CDC123: variants seen among roughly 807,000 people sequenced by gnomAD.
The protein encoded by CDC123 is translation initiation factor eIF2 assembly protein.
A neutral mutation model predicts 54.4 loss-of-function variants in CDC123; 37 were observed. The ratio of observed to expected loss-of-function variants is 0.68; its 90% CI spans 0.52 to 0.89. CDC123 has a LOEUF of 0.89. CDC123 is among the 40% of genes least tolerant of loss of function. The pLI is 0.00. For synonymous variants in CDC123, 144 were observed against 136.8 expected (o/e 1.05, Z -0.37); for missense variants, 361 against 412.1 (o/e 0.88, Z 1.07).
Position 12,196,319 on chromosome 10 carries a change from G to A in CDC123, c.74G>A (p.Ser25Asn). The change falls in exon 1 of 13, where the codon AGT becomes AAT. Residue 25 changes from serine to asparagine, a missense_variant and splice_region_variant. Ser to Asn is a conservative substitution (Grantham distance 46). Coordinates refer to ENST00000281141, the MANE Select transcript of CDC123 (RefSeq NM_006023.3). The stretch of plus-strand genomic sequence containing the variant: ...TTCTTCCGAGGCGTTACCATCAAGA[G>A]GTGAGATGGGAGGGGGTTCGCCCGG... ...YPFFRGVTIK[S>N]VILPLPQNVK... The A allele has an allele frequency of 6.2e-7, 1 of 1,610,992 alleles. No individual in the cohort carries two copies. Among genetic ancestry groups the A allele is most frequent in the Non-Finnish European group, 8.5e-7 (1 of 1,178,308 alleles).
At chr10:12,206,509 A>T (rs1010283785) in intron 2 of CDC123, among the ~76,000 whole-genome samples, 1 of 152,194 alleles carries the variant, frequency 6.6e-6, no homozygotes, top group Non-Finnish European at 1.5e-5. Context: ...AATTACAAAG[A>T]GTTGATTAAA....
At chr10:12,203,160 C>T (rs532937234) in intron 2 of CDC123, among the ~76,000 whole-genome samples, 3 of 152,234 alleles carry the variant, frequency 2.0e-5, no homozygotes, top group Non-Finnish European at 4.4e-5. Flanking sequence ...GTTCAGCTAT[C>T]CGGAAGCTCT....
chr10:12,217,604 C>G lies in CDC123; in HGVS notation c.440+137C>G, dbSNP rs998225728. 3.6e-5 allele frequency: 28 copies of G among 787,322 alleles called. No homozygotes were observed. In the African/African-American group the frequency reaches 4.4e-4, roughly 12 times the overall value. 48.8% of individuals were successfully genotyped at this position (787,322 alleles called of 1,614,324 possible). ...AAGCTATTTCATATTGCCAAAATGA[C>G]CTGTTAAAGCAAATCTTTCTTTTCC... On this transcript the variant is annotated intron_variant, in intron 6 of 12. Transcript: ENST00000281141.
intron 5 of CDC123, 151 bp from the exon 6 acceptor site, chr10:12,217,210 T>A: frequency 1.6e-6 from 1 of 621,802 alleles, no homozygotes; most frequent in Non-Finnish European, 2.5e-6. Flanking sequence ...TTGTTAAGCA[T>A]AATTTAACAT....
intron 11 of CDC123, chr10:12,247,958 T>C (rs142985567): frequency 0.03 from 4,512 of 151,910 alleles, 176 homozygotes; most frequent in South Asian, 0.099. Context: ...GAGCCGAGAT[T>C]GTGCCACTGC....
In CDC123 at chr10:12,215,834, G is replaced by C; in HGVS notation, c.332G>C (p.Arg111Thr). Residue 111 changes from arginine to threonine, a missense_variant and splice_region_variant, in exon 5 of 13, where the codon AGG (arginine) becomes ACG (threonine). Transcript: ENST00000281141. ...VFPKLNWSAPRDAYWIAMNSS... is the reference protein window; with the variant it reads ...VFPKLNWSAPTDAYWIAMNSS... ...CCTAAGCTTAATTGGAGTGCCCCAA[G>C]GGTAGGAACACATAAGTAATTCTCT... 6.3e-7 allele frequency: 1 copy of C among 1,582,978 alleles called. No individual in the cohort carries two copies. Among genetic ancestry groups the C allele is most frequent in the South Asian group, 1.1e-5 (1 of 87,996 alleles).
chr10:12,196,326 TGGGA>T lies in CDC123; in HGVS notation c.74+11_74+14del, dbSNP rs141093124. 0.14 allele frequency: 225,836 copies of T among 1,613,438 alleles called. 17,180 individuals are homozygous for T. Among genetic ancestry groups the T allele is most frequent in the South Asian group, 0.24 (21,714 of 91,052 alleles). ...GAGGCGTTACCATCAAGAGGTGAGATGGGAGGGGGTTCGCCCGGTCGACCGGCAA... is the reference window on the plus strand; with the variant it reads ...GAGGCGTTACCATCAAGAGGTGAGATGGGGGTTCGCCCGGTCGACCGGCAA... On this transcript the variant is annotated splice_region_variant and intron_variant, in intron 1 of 12. Coordinates refer to ENST00000281141, the MANE Select transcript of CDC123 (RefSeq NM_006023.3).
At chr10:12,206,057 C>T (rs1198897211) in intron 2 of CDC123, among the ~76,000 whole-genome samples, 1 of 152,228 alleles carries the variant, frequency 6.6e-6, no homozygotes, top group East Asian at 1.9e-4. Flanking sequence ...GCCTTGGCCT[C>T]CCAAAGTGCT....
At chr10:12,227,244 T>C (rs1408950216) in intron 6 of CDC123, among the ~76,000 whole-genome samples, 3 of 105,736 alleles carry the variant, frequency 2.8e-5, no homozygotes, top group Non-Finnish European at 5.2e-5. Context: ...AGGGAGACCG[T>C]GGAGAGAGAG....
intron 6 of CDC123, among the ~76,000 whole-genome samples, chr10:12,229,116 C>T (rs1350770569): frequency 6.6e-6 from 1 of 152,122 alleles, no homozygotes; most frequent in Non-Finnish European, 1.5e-5. Flanking sequence ...CCTCATCTCC[C>T]CGAGGCTATT....
intron 4 of CDC123, among the ~76,000 whole-genome samples, chr10:12,212,523 AGACT>A (rs1418900842): frequency 2.0e-5 from 3 of 152,268 alleles, no homozygotes; most frequent in Non-Finnish European, 2.9e-5. Context: ...CTTTTTAAAA[AGACT>A]GACTATCACT....
At chr10:12,240,378 G>T (rs1739356977) in intron 10 of CDC123, among the ~76,000 whole-genome samples, 1 of 152,174 alleles carries the variant, frequency 6.6e-6, no homozygotes, top group Non-Finnish European at 1.5e-5. Context: ...GCTTAGATCA[G>T]CCTCATTGTA....
intron 10 of CDC123, among the ~76,000 whole-genome samples, chr10:12,239,606 C>T (rs1333652385): frequency 6.6e-6 from 1 of 151,570 alleles, no homozygotes; most frequent in Non-Finnish European, 1.5e-5. Flanking sequence ...ACGTGGGAAG[C>T]TGAGGCACAG....
intron 6 of CDC123, among the ~76,000 whole-genome samples, chr10:12,225,723 T>TC (rs1354477716): frequency 6.7e-6 from 1 of 148,860 alleles, no homozygotes; most frequent in African/African-American, 2.4e-5. Context: ...TTGACTTTTC[T>TC]CTTTTTTTTT....
intron 10 of CDC123, 120 bp from the exon 11 acceptor site, chr10:12,246,029 C>A: frequency 9.5e-7 from 1 of 1,054,044 alleles, no homozygotes; most frequent in Non-Finnish European, 1.4e-6. Context: ...GTGATCACAC[C>A]AGTGCACTGC....
chr10:12,203,227 C>G (rs1287637244), intron 2 of CDC123, among the ~76,000 whole-genome samples: 1 of 152,232 alleles, frequency 6.6e-6, no homozygotes, highest in Non-Finnish European at 1.5e-5. Flanking sequence ...GACCCTAATT[C>G]TTCATGCCTC....
chr10:12,206,443 A>G (rs1425781359), intron 2 of CDC123, among the ~76,000 whole-genome samples: 1 of 152,244 alleles, frequency 6.6e-6, no homozygotes, highest in Non-Finnish European at 1.5e-5. Flanking sequence ...TATTTCCACT[A>G]TAGAACAGTT....
At chr10:12,217,935 A>G (rs961585753) in intron 6 of CDC123, among the ~76,000 whole-genome samples, 4 of 151,932 alleles carry the variant, frequency 2.6e-5, no homozygotes, top group African/African-American at 9.7e-5. Context: ...TAAAAATACA[A>G]AAAATTAGCC....
At chr10:12,222,895 CT>C (rs61138851) in intron 6 of CDC123, among the ~76,000 whole-genome samples, 54,366 of 145,948 alleles carry the variant, frequency 0.37, 9,815 homozygotes, top group East Asian at 0.45. Context: ...CATTTGTCCT[CT>C]TTTTTTTTTT....
Sources: allele counts gnomAD v4.1 joint callset (sites outside exome capture counted in the v4.1 genomes callset), GRCh38; gene constraint gnomAD v4.1.1; transcripts MANE v1.5; gene names NCBI Gene and HGNC (gene_info 2026-07-23, HGNC 2026-07-21).